Variants in MCTP1 observed in about 807,000 individuals in gnomAD.
MCTP1 encodes the protein multiple C2 and transmembrane domain containing 1.
MCTP1 carries 69 observed loss-of-function variants against 120.6 expected under a neutral mutation model. The ratio of observed to expected loss-of-function variants is 0.57; its 90% CI spans 0.47 to 0.70. The LOEUF (loss-of-function observed/expected upper bound fraction) is 0.70, where lower values mean the gene tolerates loss of function less well. MCTP1 is among the 30% of genes least tolerant of loss of function. MCTP1 has a pLI of 0.00. For missense variants in MCTP1, 1,203 were observed against 1,248.8 expected (o/e 0.96, Z 0.55); for synonymous variants, 529 against 493.1 (o/e 1.07, Z -0.96).
At chr5:94,896,511 G>A (rs1481219166) in intron 10 of MCTP1, among the ~76,000 whole-genome samples, 2 of 151,518 alleles carry the variant, frequency 1.3e-5, no homozygotes, top group Non-Finnish European at 2.9e-5. Flanking sequence ...GATGTCTTCT[G>A]AAGGATTTTC....
At chr5:94,812,102 A>G (rs1318747556) in intron 17 of MCTP1, among the ~76,000 whole-genome samples, 2 of 152,318 alleles carry the variant, frequency 1.3e-5, no homozygotes, top group South Asian at 2.1e-4. Context: ...TTTAAAATCA[A>G]TGATTTACTG....
At position 95,078,028 on chromosome 5, in the gene MCTP1, A is replaced by ATCCATCCATCCATGTATCTG. The variant is rs142304352; in HGVS notation, c.721-60545_721-60544insCAGATACATGGATGGATGGA. ...ACACCTTCATTTATCCCTATCATCC[A>ATCCATCCATCCATGTATCTG]TCTATCCATCCATCCATCCATCCAT... On this transcript the variant is annotated intron_variant, in intron 1 of 22. Coordinates refer to ENST00000515393, the MANE Select transcript of MCTP1 (RefSeq NM_024717.7). Among the ~76,000 whole-genome samples, 260 of 149,128 alleles carry ATCCATCCATCCATGTATCTG rather than the reference A, an allele frequency of 1.7e-3. 4 individuals carry two copies. The highest frequency in any genetic ancestry group is 4.0e-3 in the African/African-American group (163 of 40,516).
intron 2 of MCTP1, chr5:94,976,787 A>G (rs1458733887): frequency 1.3e-5 from 2 of 152,154 alleles, no homozygotes; most frequent in Non-Finnish European, 2.9e-5. Flanking sequence ...GCCATGTAGC[A>G]CAACTGTATT....
At chr5:94,741,479 A>G (rs1015141595) in intron 19 of MCTP1, among the ~76,000 whole-genome samples, 1 of 152,140 alleles carries the variant, frequency 6.6e-6, no homozygotes, top group Non-Finnish European at 1.5e-5. Flanking sequence ...TTTTGTGCCA[A>G]TTATTATGGT....
chr5:94,709,137 TAAATAAA>T (rs1561503110), intron 21 of MCTP1: 1 of 152,036 alleles, frequency 6.6e-6, no homozygotes, highest in Non-Finnish European at 1.5e-5. Context: ...TAAAAATAAA[TAAATAAA>T]TAAACACCTT....
intron 1 of MCTP1, among the ~76,000 whole-genome samples, chr5:95,113,256 C>T (rs1456947572): frequency 6.6e-6 from 1 of 152,034 alleles, no homozygotes; most frequent in Non-Finnish European, 1.5e-5. Context: ...CGTCCACCCG[C>T]CCAGGAAGAA....
At chr5:95,106,878 C>T (rs1222558598) in intron 1 of MCTP1, among the ~76,000 whole-genome samples, 1 of 152,152 alleles carries the variant, frequency 6.6e-6, no homozygotes, top group Admixed American at 6.5e-5. Flanking sequence ...AATTGGTAAA[C>T]ATGCTTAGAG....
intron 17 of MCTP1, among the ~76,000 whole-genome samples, chr5:94,829,759 A>G (rs1019417442): frequency 1.3e-5 from 2 of 152,228 alleles, no homozygotes; most frequent in Non-Finnish European, 2.9e-5. Flanking sequence ...TGAAGGATAT[A>G]GGACAGAGAT....
Position 95,215,707 on chromosome 5 carries a change from C to T in MCTP1, c.720+68149G>A, listed in dbSNP as rs191163433. Among the ~76,000 whole-genome samples the T allele has an allele frequency of 2.6e-5, 4 of 151,986 alleles. No homozygotes were observed. The East Asian group carries it at 7.7e-4, about 29-fold the overall frequency. ...ATAATGTTAGAGATGGAGCACCTATCTTGTAACCATAAGAAGGCCACAAAG... is the reference window on the plus strand; with the variant it reads ...ATAATGTTAGAGATGGAGCACCTATTTTGTAACCATAAGAAGGCCACAAAG... On this transcript the variant is annotated intron_variant, in intron 1 of 22. Transcript: ENST00000515393.
intron 2 of MCTP1, among the ~76,000 whole-genome samples, chr5:95,005,145 C>T (rs1335265212): frequency 6.6e-6 from 1 of 152,160 alleles, no homozygotes; most frequent in Non-Finnish European, 1.5e-5. Context: ...GACTGCCCTG[C>T]TGGGTTTCAG....
chr5:95,110,456 G>A (rs1396412679), intron 1 of MCTP1, among the ~76,000 whole-genome samples: 1 of 152,060 alleles, frequency 6.6e-6, no homozygotes, highest in East Asian at 1.9e-4. Context: ...CTAGTAAGCA[G>A]CACAGTTCCA....
intron 10 of MCTP1, among the ~76,000 whole-genome samples, chr5:94,906,733 A>G (rs1191445803): frequency 6.6e-6 from 1 of 152,226 alleles, no homozygotes; most frequent in Non-Finnish European, 1.5e-5. Context: ...GTCTATATAG[A>G]TAATGTAATC....
At chr5:95,028,137 A>G (rs1839625898) in intron 1 of MCTP1, among the ~76,000 whole-genome samples, 1 of 152,180 alleles carries the variant, frequency 6.6e-6, no homozygotes, top group Non-Finnish European at 1.5e-5. Flanking sequence ...GAGAAAATCT[A>G]TGGTTAGGAT....
rs1754358459 is a variant in MCTP1, at chr5:94,705,553, T to TTTTC, written c.*1939_*1942dup. The TTTTC allele has an allele frequency of 6.6e-6, 1 of 150,674 alleles. No homozygotes were observed. The highest frequency in any genetic ancestry group is 2.4e-5 in the African/African-American group (1 of 41,068). The allele number at this position is 150,674 out of a possible 1,614,324, so 9.3% of individuals were successfully genotyped here. On this transcript the variant is annotated 3_prime_UTR_variant, in exon 23 of 23. Coordinates refer to ENST00000515393, the MANE Select transcript of MCTP1 (RefSeq NM_024717.7). ...TGCTGATTATACGTGGGAAAGATTA[T>TTTTC]TTTCTTTTGTATTTAATACAGTGAA... is the stretch of plus-strand genomic sequence containing the variant.
intron 1 of MCTP1, among the ~76,000 whole-genome samples, chr5:95,056,899 G>GT (rs1262705502): frequency 6.6e-6 from 1 of 151,848 alleles, no homozygotes; most frequent in Non-Finnish European, 1.5e-5. Flanking sequence ...AAATACATAC[G>GT]TATTTCTAAG....
chr5:94,872,053 C>T lies in MCTP1; in HGVS notation c.2037-636G>A, dbSNP rs182182935. On this transcript the variant is annotated intron_variant, in intron 13 of 22. Transcript: ENST00000515393. ...TCCAAAGACAACATATGTTAATAAA[C>T]GACTGCGTGAGCTCTTCATATTTTT... Among the ~76,000 whole-genome samples, 18 of 152,148 alleles carry T rather than the reference C, an allele frequency of 1.2e-4. No homozygotes were observed. The South Asian group carries it at 1.5e-3, about 12-fold the overall frequency.
intron 1 of MCTP1, among the ~76,000 whole-genome samples, chr5:95,270,358 C>A (rs561383869): frequency 6.6e-5 from 10 of 152,322 alleles, no homozygotes; most frequent in African/African-American, 2.2e-4. Context: ...TTGTAAAATG[C>A]AGAAGACATC....
intron 5 of MCTP1, 145 bp from the exon 6 acceptor site, chr5:94,932,136 A>C (rs1814856668): frequency 2.2e-6 from 1 of 461,608 alleles, no homozygotes; most frequent in Admixed American, 4.0e-5. Flanking sequence ...CTTGTTTGCC[A>C]CGCACACACA....
At chr5:95,053,334 G>A (rs556197174) in intron 1 of MCTP1, among the ~76,000 whole-genome samples, 1 of 152,254 alleles carries the variant, frequency 6.6e-6, no homozygotes, top group East Asian at 1.9e-4. Context: ...GGTATCATGG[G>A]GTTTATGAAT....
Sources: gnomAD v4.1 joint callset for allele counts (sites outside exome capture counted in the v4.1 genomes callset) on GRCh38, gnomAD v4.1.1 for gene constraint, MANE v1.5 for transcripts, NCBI Gene and HGNC (gene_info 2026-07-23, HGNC 2026-07-21) for gene names.